MAN2B2: variants seen among roughly 807,000 people sequenced by gnomAD.
MAN2B2 encodes the protein epididymis-specific alpha-mannosidase.
A neutral mutation model predicts 117.1 loss-of-function variants in MAN2B2; 106 were observed. The ratio of observed to expected loss-of-function variants is 0.90; its 90% CI spans 0.77 to 1.06. The LOEUF is 1.06. Ranked by LOEUF, MAN2B2 falls within the 50% of genes least tolerant of loss-of-function variation. The probability of loss-of-function intolerance (pLI) is 0.00; values close to 1 mark genes in which losing one functional copy is unlikely to be tolerated. For synonymous variants in MAN2B2, 544 were observed against 595.1 expected (o/e 0.91, Z 1.25); for missense variants, 1,326 against 1,381.4 (o/e 0.96, Z 0.64).
At position 6,598,206 on chromosome 4, in the gene MAN2B2, C is replaced by A; in HGVS notation, c.1257C>A (p.His419Gln). 4 of 1,613,490 alleles carry A rather than the reference C, an allele frequency of 2.5e-6. No individual in the cohort carries two copies. Among genetic ancestry groups the A allele is most frequent in the Non-Finnish European group, 3.4e-6 (4 of 1,179,876 alleles). ...TCTGGGGGTTGCTGCAGGTCCAGCA[C>A]CATGATGCCATCACTGGGACTGAGT... ...QLRWAVSEVQ[H>Q]HDAITGTESP... is the part of the protein sequence containing the mutation. The change falls in exon 9 of 19, where the codon CAC becomes CAA. Residue 419 changes from histidine to glutamine, a missense_variant. Transcript: ENST00000285599.
intron 3 of MAN2B2, 28 bp from the exon 4 acceptor site, chr4:6,586,968 C>T: frequency 6.3e-7 from 1 of 1,599,418 alleles, no homozygotes; most frequent in Non-Finnish European, 8.5e-7. Flanking sequence ...GCCCTCCAGG[C>T]ACCAGCAGGG....
intron 11 of MAN2B2, among the ~76,000 whole-genome samples, chr4:6,606,073 C>T (rs1344024866): frequency 3.3e-5 from 5 of 152,222 alleles, no homozygotes. Context: ...TGCCAGAATA[C>T]TCACCTTGTC....
intron 16 of MAN2B2, among the ~76,000 whole-genome samples, chr4:6,614,670 C>T (rs1265837122): frequency 1.3e-5 from 2 of 152,216 alleles, no homozygotes; most frequent in Non-Finnish European, 2.9e-5. Flanking sequence ...AGGTTGCCTG[C>T]CAGTCCTACT....
intron 3 of MAN2B2, among the ~76,000 whole-genome samples, chr4:6,582,333 C>T (rs560787790): frequency 8.5e-5 from 13 of 152,128 alleles, no homozygotes; most frequent in Admixed American, 2.0e-4. Context: ...TTGTTGTTGC[C>T]GTTGCTGCTG....
chr4:6,614,182 C>G lies in MAN2B2; in HGVS notation c.2564-36C>G, dbSNP rs767794268. ...AGTGCCAGGAGGAGGAGTTGAGCCC[C>G]AAACCCTCTCCTCACTCTGTCCATC... On this transcript the variant is annotated intron_variant, in intron 15 of 18. Coordinates refer to ENST00000285599, the MANE Select transcript of MAN2B2 (RefSeq NM_015274.3). 2.5e-6 allele frequency: 4 copies of G among 1,604,992 alleles called. No homozygotes were observed. The East Asian group carries it at 6.7e-5, about 27-fold the overall frequency.
Position 6,621,291 on chromosome 4 carries a change from G to A in MAN2B2, c.*6G>A, listed in dbSNP as rs556012377. Reference sequence around the variant, plus strand: ...TTCACTTTCAACAGCAGTGAGCCCTGGGCAGATGCCCCGGCCCCAGGGCTT... The same window carrying A: ...TTCACTTTCAACAGCAGTGAGCCCTAGGCAGATGCCCCGGCCCCAGGGCTT... On this transcript the variant is annotated 3_prime_UTR_variant, in exon 19 of 19. Transcript: ENST00000285599. 15 of 1,612,472 alleles carry A rather than the reference G, an allele frequency of 9.3e-6. No homozygotes were observed. In the Admixed American group the frequency reaches 2.3e-4, roughly 25 times the overall value.
At chr4:6,603,980 A>T (rs1253482460) in intron 10 of MAN2B2, among the ~76,000 whole-genome samples, 1 of 152,202 alleles carries the variant, frequency 6.6e-6, no homozygotes, top group Admixed American at 6.5e-5. Context: ...CCCTCTCCAA[A>T]TCAGACACCT....
intron 4 of MAN2B2, among the ~76,000 whole-genome samples, chr4:6,588,576 G>A (rs755685251): frequency 4.6e-5 from 7 of 152,110 alleles, no homozygotes; most frequent in Non-Finnish European, 8.8e-5. Flanking sequence ...TTAGCCGGGC[G>A]TGGTAGCAAG....
intron 1 of MAN2B2, among the ~76,000 whole-genome samples, chr4:6,576,135 C>T (rs1228400205): frequency 6.6e-6 from 1 of 152,164 alleles, no homozygotes; most frequent in Non-Finnish European, 1.5e-5. Context: ...CTGGGGAGCT[C>T]TTCCTCTCAG....
chr4:6,609,610 G>C, intron 12 of MAN2B2, 188 bp from the exon 13 acceptor site: 2 of 713,420 alleles, frequency 2.8e-6, no homozygotes, highest in South Asian at 3.6e-5. Context: ...CTGCGGTGTC[G>C]GGGAACCAGG....
intron 3 of MAN2B2, among the ~76,000 whole-genome samples, chr4:6,582,384 G>T (rs1726463274): frequency 6.6e-6 from 1 of 152,164 alleles, no homozygotes; most frequent in South Asian, 2.1e-4. Context: ...TGTCACTCAG[G>T]CTGGAGTGCA....
rs535162458 is a variant in MAN2B2, at chr4:6,591,271, C to T, written c.681-1902C>T. ...TTGTCCAATCACCTCCCGTTCACCC[C>T]GTGGTGAGGGAGGGGTCCTCACCCT... On this transcript the variant is annotated intron_variant, in intron 5 of 18. Coordinates refer to ENST00000285599, the MANE Select transcript of MAN2B2 (RefSeq NM_015274.3). Among the ~76,000 whole-genome samples the T allele has an allele frequency of 3.3e-5, 5 of 152,346 alleles. No individual in the cohort carries two copies. In the South Asian group the frequency reaches 1.0e-3, roughly 32 times the overall value.
chr4:6,611,352 G>T, intron 15 of MAN2B2, 74 bp downstream of exon 15: 1 of 1,455,594 alleles, frequency 6.9e-7, no homozygotes, highest in Non-Finnish European at 9.2e-7. Flanking sequence ...CCTTGGGAGG[G>T]GCCTGTGCCC....
chr4:6,604,631 G>A (rs1727464338), intron 10 of MAN2B2, among the ~76,000 whole-genome samples: 1 of 152,026 alleles, frequency 6.6e-6, no homozygotes, highest in Non-Finnish European at 1.5e-5. Context: ...GGTGGGATGG[G>A]GTAGCTGGTG....
chr4:6,598,352 C>G lies in MAN2B2; in HGVS notation c.1403C>G (p.Ser468Cys). 2 of 1,611,572 alleles carry G rather than the reference C, an allele frequency of 1.2e-6. No individual in the cohort carries two copies. Among genetic ancestry groups the G allele is most frequent in the Non-Finnish European group, 1.7e-6 (2 of 1,178,938 alleles). ...LQPQAPMAASSDAGPAGHFAS... is the reference protein window; with the variant it reads ...LQPQAPMAASCDAGPAGHFAS... ...CCCCAGGCACCCATGGCGGCCAGCT[C>G]CGGTGAGCAGGGCCCTGCAGGGAGG... Residue 468 changes from serine to cysteine, a missense_variant and splice_region_variant, in exon 9 of 19, where the codon TCC becomes TGC. Coordinates refer to ENST00000285599, the MANE Select transcript of MAN2B2 (RefSeq NM_015274.3).
chr4:6,577,692 C>T (rs949226221), intron 2 of MAN2B2, among the ~76,000 whole-genome samples: 1 of 152,226 alleles, frequency 6.6e-6, no homozygotes, highest in Non-Finnish European at 1.5e-5. Context: ...ATCCTGTGAG[C>T]GTCCCATGCT....
intron 11 of MAN2B2, among the ~76,000 whole-genome samples, chr4:6,607,609 T>A (rs1202518532): frequency 6.6e-6 from 1 of 152,248 alleles, no homozygotes; most frequent in African/African-American, 2.4e-5. Flanking sequence ...GTATGTACCA[T>A]ATTTTGTTTA....
intron 6 of MAN2B2, 64 bp from the exon 7 acceptor site, chr4:6,594,470 C>A (rs1054038340): frequency 6.5e-7 from 1 of 1,543,336 alleles, no homozygotes; most frequent in Non-Finnish European, 8.8e-7. Flanking sequence ...CAGCGATCGG[C>A]CCACCCCCAC....
At position 6,587,068 on chromosome 4, in the gene MAN2B2, C is replaced by A; in HGVS notation, c.464C>A (p.Ala155Asp). Reference protein sequence around the residue: ...QFSWHVDPFGASATTPTLFAL... With the variant: ...QFSWHVDPFGDSATTPTLFAL... Reference sequence around the variant, plus strand: ...TCCTGGCACGTTGACCCGTTTGGCGCCTCTGCCACGACGCCCACCCTATTT... The same window carrying A: ...TCCTGGCACGTTGACCCGTTTGGCGACTCTGCCACGACGCCCACCCTATTT... The change falls in exon 4 of 19, where the codon GCC becomes GAC. Residue 155 changes from alanine (A) to aspartate (D), a missense_variant. Ala to Asp is a moderately radical substitution (Grantham distance 126, BLOSUM62 -2). Transcript: ENST00000285599. 6.2e-7 allele frequency: 1 copy of A among 1,614,082 alleles called. No homozygotes were observed. Among genetic ancestry groups the A allele is most frequent in the Non-Finnish European group, 8.5e-7 (1 of 1,180,024 alleles).
Sources: allele counts gnomAD v4.1 joint callset (sites outside exome capture counted in the v4.1 genomes callset), GRCh38; gene constraint gnomAD v4.1.1; transcripts MANE v1.5; gene names NCBI Gene and HGNC (gene_info 2026-07-23, HGNC 2026-07-21).